The following INSC variants were observed in gnomAD, a reference collection of about 807,000 sequenced individuals.
INSC encodes the protein INSC spindle orientation adaptor protein.
INSC carries 67 observed loss-of-function variants against 58.6 expected under a neutral mutation model. The ratio of observed to expected loss-of-function variants is 1.14; its 90% CI spans 0.94 to 1.40. INSC has a LOEUF of 1.40. Ranked by LOEUF, INSC falls within the 40% of genes most tolerant of loss-of-function variation. The pLI is 0.00. For missense variants in INSC, 714 were observed against 692.0 expected (o/e 1.03, Z -0.36); for synonymous variants, 262 against 276.1 (o/e 0.95, Z 0.51).
At chr11:15,204,031 A>G (rs1230702248) in intron 7 of INSC, among the ~76,000 whole-genome samples, 2 of 152,234 alleles carry the variant, frequency 1.3e-5, no homozygotes, top group Non-Finnish European at 2.9e-5. Flanking sequence ...CTTCAAAGCC[A>G]AAAATATTTA....
intron 2 of INSC, among the ~76,000 whole-genome samples, chr11:15,152,828 C>A (rs988170035): frequency 6.6e-6 from 1 of 152,122 alleles, no homozygotes; most frequent in Non-Finnish European, 1.5e-5. Context: ...AGAGGAATCT[C>A]GGTACCACAT....
chr11:15,140,123 T>C (rs1848333706), intron 1 of INSC, among the ~76,000 whole-genome samples: 1 of 152,268 alleles, frequency 6.6e-6, no homozygotes, highest in Middle Eastern at 3.4e-3. Flanking sequence ...GCTGGAGCTC[T>C]CTAGAGGATG....
rs73426538 is a variant in INSC, at chr11:15,201,081, G to A, written c.819+132G>A. 978 of 1,145,182 alleles carry A rather than the reference G, an allele frequency of 8.5e-4. 7 individuals carry two copies. The African/African-American group carries it at 0.013, about 15-fold the overall frequency. The allele number at this position is 1,145,182 out of a possible 1,614,324, so 70.9% of individuals were successfully genotyped here. A position where few individuals can be genotyped will look rare whatever the true frequency, so the allele number is the denominator to read the frequency against. On this transcript the variant is annotated intron_variant, in intron 7 of 12. Transcript: ENST00000379556. ...GTAGTCCTTTTCCCAGGCACCATTC[G>A]GATAGGGTGGCTGGGACCTGGACTA...
intron 10 of INSC, among the ~76,000 whole-genome samples, chr11:15,237,611 A>G (rs1852180085): frequency 6.6e-6 from 1 of 152,156 alleles, no homozygotes; most frequent in Non-Finnish European, 1.5e-5. Context: ...ACTGGTGTCT[A>G]CTGGAAGACA....
chr11:15,225,574 A>G lies in INSC; in HGVS notation c.992-76A>G, dbSNP rs987590365. Reference sequence around the variant, plus strand: ...CCTGCTCAAACGATCTCCCAGAGGTATTGTGTGAACCAAATGAGACAAGTG... The same window carrying G: ...CCTGCTCAAACGATCTCCCAGAGGTGTTGTGTGAACCAAATGAGACAAGTG... On this transcript the variant is annotated intron_variant, in intron 8 of 12. Coordinates refer to ENST00000379556, the MANE Select transcript of INSC (RefSeq NM_001042536.3). 2.0e-5 allele frequency: 29 copies of G among 1,420,318 alleles called. No individual in the cohort carries two copies. The Admixed American group carries it at 4.5e-4, about 22-fold the overall frequency. The allele number at this position is 1,420,318 out of a possible 1,614,324, so 88.0% of individuals were successfully genotyped here.
At chr11:15,194,789 T>C (rs79009670) in intron 6 of INSC, among the ~76,000 whole-genome samples, 2,881 of 152,282 alleles carry the variant, frequency 0.019, 102 homozygotes, top group African/African-American at 0.067. Flanking sequence ...CCTCTTTAAG[T>C]TTAATTCAGA....
the INSC span, among the ~76,000 whole-genome samples, chr11:15,265,924 C>T: frequency 6.8e-6 from 1 of 147,798 alleles, no homozygotes; most frequent in African/African-American, 2.5e-5. Context: ...CTTAAAAGTA[C>T]ATGAAATCCT....
At chr11:15,170,842 G>C (rs1384662344) in intron 2 of INSC, among the ~76,000 whole-genome samples, 1 of 152,094 alleles carries the variant, frequency 6.6e-6, no homozygotes, top group Non-Finnish European at 1.5e-5. Context: ...AGATAATATA[G>C]ACAGGCACCC....
the INSC span, among the ~76,000 whole-genome samples, chr11:15,261,783 G>C: frequency 5.9e-5 from 9 of 152,256 alleles, no homozygotes; most frequent in African/African-American, 2.2e-4. Context: ...AAATGGGGTA[G>C]AGCTCTCAGA....
chr11:15,225,836 G>C lies in INSC; in HGVS notation c.1170+8G>C. ...CCTTACACTCGGGACCAGGTAAGAC[G>C]CCCAGAAGGCACTGAGCACAGGGCC... On this transcript the variant is annotated splice_region_variant and intron_variant, in intron 9 of 12. Transcript: ENST00000379556. 1 of 1,609,348 alleles carries C rather than the reference G, an allele frequency of 6.2e-7. No individual in the cohort carries two copies. Among genetic ancestry groups the C allele is most frequent in the Non-Finnish European group, 8.5e-7 (1 of 1,177,844 alleles).
intron 6 of INSC, among the ~76,000 whole-genome samples, chr11:15,191,534 G>T (rs1850177602): frequency 6.6e-6 from 1 of 152,154 alleles, no homozygotes; most frequent in African/African-American, 2.4e-5. Context: ...GACCTTATAT[G>T]GCTCCCTGAC....
chr11:15,153,753 A>G (rs1176283439), intron 2 of INSC, among the ~76,000 whole-genome samples: 2 of 152,164 alleles, frequency 1.3e-5, no homozygotes, highest in African/African-American at 4.8e-5. Context: ...GAGGCATTGG[A>G]TATTGTTGCT....
intron 2 of INSC, among the ~76,000 whole-genome samples, chr11:15,150,599 T>C (rs1848619195): frequency 1.3e-5 from 2 of 152,120 alleles, no homozygotes; most frequent in Non-Finnish European, 1.5e-5. Context: ...TGTGAATAAA[T>C]AGCAGCACAA....
chr11:15,231,394 G>A (rs1454546263), intron 9 of INSC, among the ~76,000 whole-genome samples: 1 of 152,118 alleles, frequency 6.6e-6, no homozygotes, highest in East Asian at 1.9e-4. Context: ...CAGCTGATGA[G>A]CTAAAAAGAA....
intron 12 of INSC, among the ~76,000 whole-genome samples, chr11:15,242,797 C>T (rs1181074114): frequency 2.0e-5 from 3 of 152,236 alleles, no homozygotes; most frequent in South Asian, 4.1e-4. Flanking sequence ...TGAGCCTCCT[C>T]TCTTGGGTTT....
At chr11:15,261,940 T>C in the INSC span, among the ~76,000 whole-genome samples, 1 of 152,106 alleles carries the variant, frequency 6.6e-6, no homozygotes, top group African/African-American at 2.4e-5. Context: ...AGAGCAGGCA[T>C]GGCAGGATAT....
At chr11:15,113,199 C>T (rs746163625), upstream of INSC, among the ~76,000 whole-genome samples, 3 of 148,822 alleles carry the variant, frequency 2.0e-5, no homozygotes, top group African/African-American at 5.0e-5. Flanking sequence ...TGTTGCCAGG[C>T]TGATGTGCAG....
chr11:15,119,768 C>T (rs180836697), intron 1 of INSC, among the ~76,000 whole-genome samples: 57 of 152,228 alleles, frequency 3.7e-4, no homozygotes, highest in African/African-American at 1.2e-3. Flanking sequence ...CAGAGGTGGG[C>T]GGTACATACT....
At chr11:15,127,671 A>G (rs1188310455) in intron 1 of INSC, among the ~76,000 whole-genome samples, 2 of 152,190 alleles carry the variant, frequency 1.3e-5, no homozygotes, top group Non-Finnish European at 2.9e-5. Flanking sequence ...CTCAGAGAAT[A>G]TCCTGGGGAG....
Sources: gnomAD v4.1 joint callset for allele counts (sites outside exome capture counted in the v4.1 genomes callset) on GRCh38, gnomAD v4.1.1 for gene constraint, MANE v1.5 for transcripts, NCBI Gene and HGNC (gene_info 2026-07-23, HGNC 2026-07-21) for gene names.